Variants in KCNQ1 observed in about 807,000 individuals in gnomAD.
The protein encoded by KCNQ1 is potassium voltage-gated channel subfamily KQT member 1.
KCNQ1 carries 49 observed loss-of-function variants against 72.4 expected under a neutral mutation model. The observed-to-expected ratio is 0.68, with a 90% CI of 0.54 to 0.86. The LOEUF (loss-of-function observed/expected upper bound fraction) is 0.86, where lower values mean the gene tolerates loss of function less well. KCNQ1 is among the 40% of genes least tolerant of loss of function. The pLI is 0.00. For missense variants in KCNQ1, 790 were observed against 945.1 expected, an observed-to-expected ratio of 0.84 and a Z score of 2.15; for synonymous variants, 450 against 412.6, an observed-to-expected ratio of 1.09 and a Z score of -1.10.
At chr11:2,798,485 GGCA>G (rs948792766) in intron 15 of KCNQ1, among the ~76,000 whole-genome samples, 16 of 152,132 alleles carry the variant, frequency 1.1e-4, no homozygotes, top group South Asian at 1.0e-3. Flanking sequence ...AGGGGTTTGC[GGCA>G]GCAGCAGCAG....
intron 10 of KCNQ1, among the ~76,000 whole-genome samples, chr11:2,591,180 G>A (rs150862845): frequency 1.4e-4 from 22 of 152,358 alleles, no homozygotes; most frequent in Non-Finnish European, 2.8e-4. Flanking sequence ...GTGCTCGCAG[G>A]CACCAGCCCA....
At chr11:2,798,440 C>T (rs1191389480) in intron 15 of KCNQ1, among the ~76,000 whole-genome samples, 4 of 152,096 alleles carry the variant, frequency 2.6e-5, no homozygotes, top group African/African-American at 9.7e-5. Flanking sequence ...GTCTGGGGGG[C>T]CTCCTTACTG....
chr11:2,581,957 C>T (rs1848505320), intron 6 of KCNQ1, among the ~76,000 whole-genome samples: 1 of 152,198 alleles, frequency 6.6e-6, no homozygotes, highest in South Asian at 2.1e-4. Flanking sequence ...AGGTAGCCTG[C>T]AAGCAGCCTC....
rs199472709 is a variant in KCNQ1 at position 2,572,021 on chromosome 11, G to T, written c.692G>T (p.Arg231Leu). 6.2e-7 allele frequency: 1 copy of T among 1,612,354 alleles called. No individual in the cohort carries two copies. The highest frequency in any genetic ancestry group is 8.5e-7 in the Non-Finnish European group (1 of 1,179,610). Residue 231 changes from arginine to leucine, a missense_variant, in exon 5 of 16, where the codon CGC becomes CTC. Coordinates refer to ENST00000155840, the MANE Select transcript of KCNQ1 (RefSeq NM_000218.3). ...CACCATCTCCTTCGCAGGGGCATCC[G>T]CTTCCTGCAGATCCTGAGGATGCTA... is the stretch of plus-strand genomic sequence containing the variant. ...VFATSAIRGI[R>L]FLQILRMLHV...
chr11:2,655,350 A>G (rs1849826792), intron 10 of KCNQ1: 1 of 398,698 alleles, frequency 2.5e-6, no homozygotes, highest in Non-Finnish European at 4.4e-6. Flanking sequence ...GAATTAAAGC[A>G]TCAAAAACCA....
chr11:2,506,582 T>A (rs893840115), intron 1 of KCNQ1, among the ~76,000 whole-genome samples: 2 of 152,354 alleles, frequency 1.3e-5, no homozygotes, highest in African/African-American at 4.8e-5. Context: ...GTATGGATGT[T>A]CCTATTGTTG....
chr11:2,600,080 T>C lies in KCNQ1; in HGVS notation c.1393+11226T>C, dbSNP rs1323498360. Among the ~76,000 whole-genome samples, 3 of 152,150 alleles carry C rather than the reference T, an allele frequency of 2.0e-5. No homozygotes were observed. The highest frequency in any genetic ancestry group is 2.9e-5 in the Non-Finnish European group (2 of 68,026). ...CCACCAGTCCTGGCAGAGTGACTTA[T>C]TGTCAGCCAAGTGGGGCAGAGTTTC... On this transcript the variant is annotated intron_variant, in intron 10 of 15. Transcript: ENST00000155840. The surrounding 1 kb of genome is among the most constrained non-coding windows in gnomAD (Gnocchi z 5.6).
rs1394613450 is a variant in KCNQ1 at position 2,767,523 on chromosome 11, T to C, written c.1515-1321T>C. Among the ~76,000 whole-genome samples the C allele has an allele frequency of 6.6e-6, 1 of 152,222 alleles. No homozygotes were observed. The highest frequency in any genetic ancestry group is 1.5e-5 in the Non-Finnish European group (1 of 68,032). ...TCTCTTTTCCCTTGCCTTTTAGTCT[T>C]TCGTGTATAAAATTGTAGATGCTCG... On this transcript the variant is annotated intron_variant, in intron 11 of 15. Coordinates refer to ENST00000155840, the MANE Select transcript of KCNQ1 (RefSeq NM_000218.3). This position sits in a 1 kb window ranked among gnomAD's most constrained non-coding sequence, Gnocchi z 4.6.
At chr11:2,530,706 T>G (rs1416035782) in intron 2 of KCNQ1, among the ~76,000 whole-genome samples, 2 of 152,202 alleles carry the variant, frequency 1.3e-5, no homozygotes, top group African/African-American at 4.8e-5. Context: ...TGTGTACATG[T>G]GTGCACATGT....
chr11:2,773,978 C>A (rs1456760882), intron 12 of KCNQ1, among the ~76,000 whole-genome samples: 2 of 152,052 alleles, frequency 1.3e-5, no homozygotes, highest in African/African-American at 4.8e-5. Context: ...AATCAAGGCT[C>A]AGCATCCCAT....
intron 10 of KCNQ1, chr11:2,615,288 C>G (rs906444178): frequency 2.5e-6 from 1 of 397,912 alleles, no homozygotes; most frequent in African/African-American, 2.1e-5. Flanking sequence ...TTTATTAGCT[C>G]TACTAGTTTG....
rs1003339244 is a variant in KCNQ1, at chr11:2,686,012, G to T, written c.1514+23931G>T. 1.5e-5 allele frequency: 6 copies of T among 398,930 alleles called. No individual in the cohort carries two copies. The South Asian group carries it at 7.6e-4, about 51-fold the overall frequency. The allele number at this position is 398,930 out of a possible 1,614,324, so 24.7% of individuals were successfully genotyped here. On this transcript the variant is annotated intron_variant, in intron 11 of 15. Coordinates refer to ENST00000155840, the MANE Select transcript of KCNQ1 (RefSeq NM_000218.3). ...GACTCCACACCAAGAAGAGTCAGGG[G>T]GGCTCACTCTAAGCCCCGCCAGCTC...
At chr11:2,480,724 ACTGTAGTGTGCAATAGAGAC>A (rs1846637974) in intron 1 of KCNQ1, among the ~76,000 whole-genome samples, 4 of 152,174 alleles carry the variant, frequency 2.6e-5, no homozygotes, top group African/African-American at 7.2e-5. Flanking sequence ...GAGGTAGAGA[ACTGTAGTGTGCAATAGAGAC>A]CTGTAGTGTG....
At position 2,620,069 on chromosome 11, in the gene KCNQ1, T is replaced by C; in HGVS notation, c.1393+31215T>C. 1 of 398,390 alleles carries C rather than the reference T, an allele frequency of 2.5e-6. No individual in the cohort carries two copies. The highest frequency in any genetic ancestry group is 4.4e-5 in the Admixed American group (1 of 22,712). 24.7% of individuals were successfully genotyped at this position (398,390 alleles called of 1,614,324 possible). ...TACTGATCATCTTTATGTCCATGTT[T>C]ACTCAGTGTTTAGGTCCCACTTGCA... On this transcript the variant is annotated intron_variant, in intron 10 of 15. Coordinates refer to ENST00000155840, the MANE Select transcript of KCNQ1 (RefSeq NM_000218.3). This position sits in a 1 kb window ranked among gnomAD's most constrained non-coding sequence, Gnocchi z 4.5.
At chr11:2,667,813 A>T in intron 11 of KCNQ1, 1 of 398,674 alleles carries the variant, frequency 2.5e-6, no homozygotes, top group Non-Finnish European at 4.4e-6. Context: ...CTACCCTGGT[A>T]TAGGGTGGTG....
chr11:2,834,582 T>A (rs949630293), intron 15 of KCNQ1, among the ~76,000 whole-genome samples: 4 of 152,048 alleles, frequency 2.6e-5, no homozygotes, highest in Admixed American at 6.5e-5. Flanking sequence ...GGTGCTGAGT[T>A]CCCCATCTCA....
chr11:2,559,287 G>A lies in KCNQ1; in HGVS notation c.478-11341G>A, dbSNP rs538475774. On this transcript the variant is annotated intron_variant, in intron 2 of 15. Transcript: ENST00000155840. The surrounding 1 kb of genome is among the most constrained non-coding windows in gnomAD (Gnocchi z 4.9). ...AATCAGTCCTGGGGCCTGGAGGGTC[G>A]TAGAGAAATGTGTGAACATGGCTCC... Among the ~76,000 whole-genome samples the A allele has an allele frequency of 1.5e-3, 236 of 152,302 alleles. 1 individual carries two copies. The highest frequency in any genetic ancestry group is 2.5e-3 in the Non-Finnish European group (168 of 68,032).
chr11:2,449,831 T>G (rs1033076606), intron 1 of KCNQ1, among the ~76,000 whole-genome samples: 7 of 152,202 alleles, frequency 4.6e-5, no homozygotes, highest in African/African-American at 1.7e-4. Flanking sequence ...CTTCTGCACT[T>G]GACGTCCTTG....
At chr11:2,838,279 A>C (rs950954862) in intron 15 of KCNQ1, among the ~76,000 whole-genome samples, 1 of 152,294 alleles carries the variant, frequency 6.6e-6, no homozygotes, top group South Asian at 2.1e-4. Flanking sequence ...CCCGTCAGGC[A>C]CCTGGAGGAG....
Sources: gnomAD v4.1 joint callset for allele counts (sites outside exome capture counted in the v4.1 genomes callset) on GRCh38, gnomAD v4.1.1 for gene constraint, Gnocchi (gnomAD v3.1) non-coding constraint, MANE v1.5 for transcripts, NCBI Gene and HGNC (gene_info 2026-07-23, HGNC 2026-07-21) for gene names.